The following GABBR2 variants were observed in gnomAD, a reference collection of about 807,000 sequenced individuals.
The protein encoded by GABBR2 is G-protein coupled receptor 51.
A neutral mutation model predicts 105.6 loss-of-function variants in GABBR2; 23 were observed. That is an observed-to-expected ratio of 0.22 (90% CI 0.16 to 0.31). The LOEUF (loss-of-function observed/expected upper bound fraction) is 0.31, where lower values mean the gene tolerates loss of function less well. GABBR2 is among the 10% of genes least tolerant of loss of function. The pLI, the probability that GABBR2 is intolerant of heterozygous loss-of-function variation, is 1.00. For missense variants in GABBR2, 734 were observed against 1,245.5 expected (o/e 0.59, Z 6.18); for synonymous variants, 478 against 499.7 (o/e 0.96, Z 0.58).
chr9:98,421,080 G>A (rs1235245336), intron 7 of GABBR2, among the ~76,000 whole-genome samples: 1 of 152,174 alleles, frequency 6.6e-6, no homozygotes, highest in East Asian at 1.9e-4. Flanking sequence ...CCCAAACTGG[G>A]CCCCGAGGTG....
At chr9:98,623,804 A>G in intron 1 of GABBR2, among the ~76,000 whole-genome samples, 1 of 152,162 alleles carries the variant, frequency 6.6e-6, no homozygotes, top group East Asian at 1.9e-4. Context: ...CCATCTCTAG[A>G]TCCTTAACTT....
intron 2 of GABBR2, among the ~76,000 whole-genome samples, chr9:98,553,825 C>A (rs955916700): frequency 6.6e-6 from 1 of 152,148 alleles, no homozygotes; most frequent in Non-Finnish European, 1.5e-5. Context: ...ATGATCACTC[C>A]GCAAGCAACT....
intron 1 of GABBR2, among the ~76,000 whole-genome samples, chr9:98,664,277 C>T (rs527370713): frequency 2.1e-4 from 32 of 152,182 alleles, no homozygotes; most frequent in Non-Finnish European, 4.0e-4. Context: ...TAAGAATAAA[C>T]GGCTAGTGAT....
At chr9:98,433,845 C>A (rs1441931579) in intron 7 of GABBR2, among the ~76,000 whole-genome samples, 2 of 152,118 alleles carry the variant, frequency 1.3e-5, no homozygotes, top group African/African-American at 4.8e-5. Context: ...GGGACCAGGG[C>A]TGAACCTTAT....
chr9:98,450,160 G>A (rs1826207085), intron 7 of GABBR2, among the ~76,000 whole-genome samples: 1 of 152,114 alleles, frequency 6.6e-6, no homozygotes, highest in Non-Finnish European at 1.5e-5. Flanking sequence ...AAATGAGGGG[G>A]CACCCAGACT....
chr9:98,487,787 A>T (rs1403802908), intron 4 of GABBR2, among the ~76,000 whole-genome samples: 1 of 152,046 alleles, frequency 6.6e-6, no homozygotes, highest in Admixed American at 6.5e-5. Context: ...CCACTCCCCC[A>T]GTCCCCCAAA....
chr9:98,442,249 G>C (rs1454343967), intron 7 of GABBR2, among the ~76,000 whole-genome samples: 2 of 152,192 alleles, frequency 1.3e-5, no homozygotes, highest in African/African-American at 4.8e-5. Context: ...AAGGGGCTGG[G>C]GCCTGGCTTC....
intron 7 of GABBR2, among the ~76,000 whole-genome samples, chr9:98,415,096 G>A (rs1832664085): frequency 6.6e-6 from 1 of 151,790 alleles, no homozygotes; most frequent in South Asian, 2.1e-4. Context: ...ACAAAACAAA[G>A]GATAAAAATT....
intron 1 of GABBR2, among the ~76,000 whole-genome samples, chr9:98,591,189 A>G (rs10986861): frequency 0.034 from 5,158 of 152,270 alleles, 90 homozygotes; most frequent in East Asian, 0.057. Flanking sequence ...ATTTGAGCTG[A>G]GCCTTGCGAG....
chr9:98,389,056 A>G, intron 9 of GABBR2, 52 bp from the exon 10 acceptor site: 2 of 1,529,744 alleles, frequency 1.3e-6, no homozygotes, highest in Non-Finnish European at 9.0e-7. Context: ...TCATTCCCCG[A>G]GAACACCTTT....
intron 4 of GABBR2, among the ~76,000 whole-genome samples, chr9:98,486,347 G>A (rs1455263042): frequency 6.6e-6 from 1 of 152,240 alleles, no homozygotes; most frequent in South Asian, 2.1e-4. Flanking sequence ...TCATGCAGAT[G>A]TTGAAGTGAA....
In GABBR2 at chr9:98,473,358, G is replaced by A; in HGVS notation, c.799-12C>T. On this transcript the variant is annotated splice_polypyrimidine_tract_variant and intron_variant, in intron 5 of 18. Transcript: ENST00000259455. ...TTCTCCTCGTATGCCTGTAAAAGAT[G>A]GAGTGACTATGAGGGCATTGAGAGT... The A allele has an allele frequency of 6.3e-7, 1 of 1,582,896 alleles. No individual in the cohort carries two copies. The highest frequency in any genetic ancestry group is 1.7e-5 in the Admixed American group (1 of 59,906).
intron 1 of GABBR2, among the ~76,000 whole-genome samples, chr9:98,675,964 G>T (rs899590965): frequency 6.6e-6 from 1 of 152,094 alleles, no homozygotes; most frequent in African/African-American, 2.4e-5. Flanking sequence ...ACCTGTAATA[G>T]ATAGAACAAA....
At chr9:98,300,475 A>C (rs1830451220) in intron 16 of GABBR2, among the ~76,000 whole-genome samples, 1 of 152,184 alleles carries the variant, frequency 6.6e-6, no homozygotes, top group African/African-American at 2.4e-5. Context: ...ATCAGGTGCA[A>C]GTCCTGGGGG....
chr9:98,376,214 T>A (rs1479478609), intron 11 of GABBR2, among the ~76,000 whole-genome samples: 1 of 152,210 alleles, frequency 6.6e-6, no homozygotes, highest in African/African-American at 2.4e-5. Context: ...GCTTGCTCCA[T>A]TGATTTCATG....
chr9:98,580,323 G>A (rs116609318), intron 1 of GABBR2, among the ~76,000 whole-genome samples: 1 of 151,656 alleles, frequency 6.6e-6, no homozygotes, highest in Non-Finnish European at 1.5e-5. Flanking sequence ...CCTATTTAAT[G>A]CCCTAACATA....
At chr9:98,552,320 C>CT (rs1828504511) in intron 2 of GABBR2, among the ~76,000 whole-genome samples, 1 of 152,158 alleles carries the variant, frequency 6.6e-6, no homozygotes, top group Non-Finnish European at 1.5e-5. Context: ...TTGGTTTAAT[C>CT]TTTTTCCACG....
At chr9:98,439,824 A>G (rs555673022) in intron 7 of GABBR2, among the ~76,000 whole-genome samples, 1 of 152,334 alleles carries the variant, frequency 6.6e-6, no homozygotes, top group East Asian at 1.9e-4. Flanking sequence ...CTTCCTTGTC[A>G]TCCTTGCACT....
chr9:98,569,329 G>A (rs1424346069), intron 2 of GABBR2, among the ~76,000 whole-genome samples: 2 of 152,124 alleles, frequency 1.3e-5, no homozygotes, highest in African/African-American at 2.4e-5. Context: ...GACGTTGTGT[G>A]TACTTTGAGC....
Sources: allele counts gnomAD v4.1 joint callset (sites outside exome capture counted in the v4.1 genomes callset), GRCh38; gene constraint gnomAD v4.1.1; transcripts MANE v1.5; gene names NCBI Gene and HGNC (gene_info 2026-07-23, HGNC 2026-07-21).